LRRC72: variants seen among roughly 807,000 people sequenced by gnomAD.
LRRC72 encodes leucine rich repeat containing 72.
A neutral mutation model predicts 35.8 loss-of-function variants in LRRC72; 41 were observed. The ratio of observed to expected loss-of-function variants is 1.15; its 90% CI spans 0.89 to 1.49. LRRC72 has a LOEUF of 1.49. Among genes scored for constraint, LRRC72 ranks in the 40% most tolerant of loss-of-function variants. LRRC72 has a pLI of 0.00. For missense variants in LRRC72, 389 were observed against 330.7 expected (o/e 1.18, Z -1.37); for synonymous variants, 118 against 119.2 (o/e 0.99, Z 0.07).
intron 3 of LRRC72, among the ~76,000 whole-genome samples, chr7:16,552,454 C>T (rs191698964): frequency 6.6e-6 from 1 of 152,158 alleles, no homozygotes; most frequent in East Asian, 1.9e-4. Flanking sequence ...TAAGAAGATG[C>T]CAGGAGGAGA....
At chr7:16,535,709 A>T (rs1430742795) in intron 2 of LRRC72, among the ~76,000 whole-genome samples, 1 of 152,222 alleles carries the variant, frequency 6.6e-6, no homozygotes, top group Non-Finnish European at 1.5e-5. Flanking sequence ...GACTGACGTC[A>T]TTTGGATCCT....
intron 3 of LRRC72, among the ~76,000 whole-genome samples, chr7:16,543,549 C>T (rs1054229085): frequency 1.3e-4 from 19 of 151,732 alleles, no homozygotes; most frequent in African/African-American, 4.4e-4. Context: ...TTGGTACATA[C>T]TCCTCCTCCA....
chr7:16,526,975 T>A lies in LRRC72; in HGVS notation c.23T>A (p.Val8Glu), dbSNP rs888011568. 1 of 1,539,882 alleles carries A rather than the reference T, an allele frequency of 6.5e-7. No homozygotes were observed. The highest frequency in any genetic ancestry group is 1.4e-5 in the African/African-American group (1 of 73,048). MSWDPNP[V>E]PRTLRCWRLR... ...CTGATGTCCTGGGACCCGAACCCCG[T>A]GCCCCGTACCTTGCGATGCTGGCGC... Residue 8 changes from valine to glutamate, a missense_variant, in exon 1 of 9, where the codon GTG (valine) becomes GAG (glutamate). Transcript: ENST00000401542.
Position 16,532,872 on chromosome 7 carries a change from T to C in LRRC72, c.164+304T>C, listed in dbSNP as rs563610324. The C allele has an allele frequency of 8.1e-6, 3 of 370,708 alleles. 1 individual carries two copies. Among genetic ancestry groups the C allele is most frequent in the African/African-American group, 6.2e-5 (3 of 48,546 alleles). 23.0% of individuals were successfully genotyped at this position (370,708 alleles called of 1,614,324 possible). A position where few individuals can be genotyped will look rare whatever the true frequency, so the allele number is the denominator to read the frequency against. ...GATTGTCAGATTTAACAAATAAGTA[T>C]ATAGGACATCCAGTTGAATTTGAAT... On this transcript the variant is annotated intron_variant, in intron 2 of 8. Transcript: ENST00000401542.
intron 5 of LRRC72, among the ~76,000 whole-genome samples, chr7:16,559,971 A>G (rs1782718172): frequency 6.6e-6 from 1 of 152,198 alleles, no homozygotes; most frequent in Non-Finnish European, 1.5e-5. Context: ...CCCAGTAAGG[A>G]ACTAACCTAT....
intron 5 of LRRC72, among the ~76,000 whole-genome samples, chr7:16,566,082 C>G (rs1452311043): frequency 6.6e-6 from 1 of 152,122 alleles, no homozygotes; most frequent in Non-Finnish European, 1.5e-5. Context: ...TAGCACAGTT[C>G]CTAGTGGATA....
intron 3 of LRRC72, among the ~76,000 whole-genome samples, chr7:16,549,089 A>C (rs779232068): frequency 5.3e-5 from 8 of 152,194 alleles, no homozygotes; most frequent in Non-Finnish European, 1.0e-4. Flanking sequence ...TTTTCTCATA[A>C]ATACAATATT....
intron 7 of LRRC72, among the ~76,000 whole-genome samples, chr7:16,574,613 G>A (rs557655473): frequency 2.6e-5 from 4 of 151,756 alleles, no homozygotes; most frequent in South Asian, 2.1e-4. Context: ...ACACATGGAC[G>A]CAGGGAGAGG....
At chr7:16,531,810 T>G (rs1782169640) in intron 1 of LRRC72, among the ~76,000 whole-genome samples, 1 of 152,246 alleles carries the variant, frequency 6.6e-6, no homozygotes, top group Admixed American at 6.5e-5. Flanking sequence ...AGCATTTAAA[T>G]AGCTGTTGCT....
intron 3 of LRRC72, among the ~76,000 whole-genome samples, chr7:16,551,994 T>C (rs1419963655): frequency 1.3e-5 from 2 of 152,138 alleles, no homozygotes; most frequent in East Asian, 3.9e-4. Context: ...TCCAGGGAGA[T>C]GGTGCAGAAA....
chr7:16,570,158 G>A (rs1233837515), intron 7 of LRRC72, among the ~76,000 whole-genome samples: 1 of 152,198 alleles, frequency 6.6e-6, no homozygotes, highest in East Asian at 1.9e-4. Context: ...TCTTTTGAGA[G>A]GATCTTATCT....
intron 3 of LRRC72, among the ~76,000 whole-genome samples, chr7:16,556,935 AT>A (rs1344526604): frequency 6.6e-6 from 1 of 152,188 alleles, no homozygotes; most frequent in Non-Finnish European, 1.5e-5. Context: ...ACTCCTACAG[AT>A]GCAGAAATGG....
At position 16,532,567 on chromosome 7, in the gene LRRC72, A is replaced by C. The variant is rs1358731512; in HGVS notation, c.163A>C (p.Lys55Gln). 3 of 1,543,674 alleles carry C rather than the reference A, an allele frequency of 1.9e-6. No homozygotes were observed. The highest frequency in any genetic ancestry group is 2.6e-6 in the Non-Finnish European group (3 of 1,140,676). Reference protein sequence around the residue: ...ADVFELFLSKKELTEVIDLSR... With the variant: ...ADVFELFLSKQELTEVIDLSR... ...TGTCTTTGAGCTGTTCCTTTCTAAA[A>C]AGTAAGTGTACTTAACATAAAAAAT... Residue 55 changes from lysine (K) to glutamine (Q), a missense_variant and splice_region_variant, in exon 2 of 9, where the codon AAG becomes CAG. Physicochemically the swap from Lys to Gln is moderately conservative, Grantham distance 53. Coordinates refer to ENST00000401542, the MANE Select transcript of LRRC72 (RefSeq NM_001195280.2).
intron 3 of LRRC72, among the ~76,000 whole-genome samples, chr7:16,540,887 A>C (rs1782345485): frequency 6.6e-6 from 1 of 152,172 alleles, no homozygotes; most frequent in Admixed American, 6.5e-5. Flanking sequence ...TAAATGACCC[A>C]GTCTTGGGTA....
chr7:16,546,743 G>C (rs1242455355), intron 3 of LRRC72, among the ~76,000 whole-genome samples: 1 of 152,026 alleles, frequency 6.6e-6, no homozygotes, highest in Non-Finnish European at 1.5e-5. Flanking sequence ...CACTGGACCT[G>C]TGCACTGGCT....
intron 3 of LRRC72, among the ~76,000 whole-genome samples, chr7:16,538,269 T>C (rs1782297644): frequency 6.6e-6 from 1 of 152,220 alleles, no homozygotes; most frequent in African/African-American, 2.4e-5. Context: ...AGGTTTGGTA[T>C]GGAATGGGGT....
At chr7:16,571,993 G>A (rs1429844633) in intron 7 of LRRC72, among the ~76,000 whole-genome samples, 2 of 152,278 alleles carry the variant, frequency 1.3e-5, no homozygotes, top group East Asian at 1.9e-4. Flanking sequence ...GACCTGGGTC[G>A]CCCGAGCTTG....
At chr7:16,536,940 A>G (rs935422218) in intron 2 of LRRC72, 2 of 152,162 alleles carry the variant, frequency 1.3e-5, no homozygotes, top group African/African-American at 4.8e-5. Flanking sequence ...AAGAGATCCA[A>G]CTACTCCAGG....
chr7:16,567,090 T>C (rs1271766169), intron 6 of LRRC72, among the ~76,000 whole-genome samples: 1 of 152,116 alleles, frequency 6.6e-6, no homozygotes, highest in Non-Finnish European at 1.5e-5. Flanking sequence ...TCTAATAGCC[T>C]TGAGGAAATG....
Sources: gnomAD v4.1 joint callset for allele counts (sites outside exome capture counted in the v4.1 genomes callset) on GRCh38, gnomAD v4.1.1 for gene constraint, MANE v1.5 for transcripts, NCBI Gene and HGNC (gene_info 2026-07-23, HGNC 2026-07-21) for gene names.